The following TJP1 variants were observed in gnomAD, a reference collection of about 807,000 sequenced individuals.
TJP1 encodes tight junction protein ZO-1.
In TJP1, 43 loss-of-function variants were observed where a neutral mutation model predicts 194.2. The ratio of observed to expected loss-of-function variants is 0.22; its 90% CI spans 0.17 to 0.29. The LOEUF (loss-of-function observed/expected upper bound fraction) is 0.29. TJP1 is among the 10% of genes least tolerant of loss of function. TJP1 has a pLI of 1.00. For synonymous variants in TJP1, 801 were observed against 779.0 expected (o/e 1.03, Z -0.47); for missense variants, 1,971 against 2,185.7 (o/e 0.90, Z 1.96).
At chr15:29,766,180 A>G in intron 5 of TJP1, 86 bp downstream of exon 5, 1 of 1,500,174 alleles carries the variant, frequency 6.7e-7, no homozygotes, top group Non-Finnish European at 9.0e-7. Context: ...CAAAGCAAAG[A>G]CATGAAGAGA....
In TJP1 at chr15:29,766,384, C is replaced by T. The variant is rs2046332965; in HGVS notation, c.471G>A (p.Arg157=). 1 of 1,614,170 alleles carries T rather than the reference C, an allele frequency of 6.2e-7. No individual in the cohort carries two copies. The highest frequency in any genetic ancestry group is 1.1e-5 in the South Asian group (1 of 91,078). ...VNRRSEKIWP[R]DRSASRERSL... is the part of the protein sequence containing the mutation. ...TCCTCTCTCTACTTGCACTTCTATC[C>T]CTCGGCCAAATCTTCTCACTCCTTC... Residue 157 remains arginine, a synonymous_variant, in exon 5 of 28, where the codon AGG becomes AGA. Coordinates refer to ENST00000614355, the MANE Select transcript of TJP1 (RefSeq NM_001330239.4).
At chr15:29,748,564 C>CTTTTTTTTT (rs61364565) in intron 8 of TJP1, among the ~76,000 whole-genome samples, 2 of 73,392 alleles carry the variant, frequency 2.7e-5, no homozygotes, top group African/African-American at 1.1e-4. Flanking sequence ...CTTCCTAATT[C>CTTTTTTTTT]TTTTTTTTTT....
intron 2 of TJP1, among the ~76,000 whole-genome samples, chr15:29,889,489 G>C (rs2053232938): frequency 6.6e-6 from 1 of 152,134 alleles, no homozygotes; most frequent in Non-Finnish European, 1.5e-5. Context: ...AGAATAACAA[G>C]TCTTATAAAT....
chr15:29,770,541 C>T (rs536883378), intron 4 of TJP1, among the ~76,000 whole-genome samples: 2 of 151,986 alleles, frequency 1.3e-5, no homozygotes, highest in Admixed American at 1.3e-4. Flanking sequence ...TGGTGAAACC[C>T]TGTCTCCACT....
chr15:29,853,339 C>A (rs561198301), intron 2 of TJP1, among the ~76,000 whole-genome samples: 10 of 152,136 alleles, frequency 6.6e-5, no homozygotes, highest in African/African-American at 2.2e-4. Context: ...TATCTCAATC[C>A]GATAGTAGAT....
intron 2 of TJP1, among the ~76,000 whole-genome samples, chr15:29,773,760 A>G (rs2046838507): frequency 6.6e-6 from 1 of 152,230 alleles, no homozygotes; most frequent in Admixed American, 6.5e-5. Context: ...GTCATTTTAC[A>G]TAAATATCAA....
At chr15:29,818,960 G>A (rs2050133726) in intron 1 of TJP1, among the ~76,000 whole-genome samples, 2 of 151,418 alleles carry the variant, frequency 1.3e-5, no homozygotes, top group Admixed American at 1.3e-4. Flanking sequence ...TGGGATTATA[G>A]GCACGCGCCA....
chr15:29,832,812 A>G (rs913183100), intron 2 of TJP1, among the ~76,000 whole-genome samples: 3 of 152,238 alleles, frequency 2.0e-5, no homozygotes, highest in Non-Finnish European at 2.9e-5. Flanking sequence ...CTGGTCAACT[A>G]TGACCAGACA....
At chr15:29,864,237 C>CAAAAAAAAAAAAAAAAAAAAAAAAAA (rs397975539) in intron 2 of TJP1, among the ~76,000 whole-genome samples, 12 of 18,944 alleles carry the variant, frequency 6.3e-4, no homozygotes, top group African/African-American at 9.0e-4. Flanking sequence ...ACTAAAAATA[C>CAAAAAAAAAAAAAAAAAAAAAAAAAA]AAAAAAAAAA....
chr15:29,937,841 T>C (rs904052139), intron 2 of TJP1, among the ~76,000 whole-genome samples: 1 of 152,212 alleles, frequency 6.6e-6, no homozygotes, highest in Non-Finnish European at 1.5e-5. Flanking sequence ...AAGGCAAGCA[T>C]TTCCCATCCA....
chr15:29,910,244 T>C (rs2053971342), intron 2 of TJP1, among the ~76,000 whole-genome samples: 1 of 152,162 alleles, frequency 6.6e-6, no homozygotes, highest in Non-Finnish European at 1.5e-5. Context: ...AAGAAATAAA[T>C]ACAGTACTTA....
At chr15:29,776,134 T>C (rs908662839) in intron 2 of TJP1, among the ~76,000 whole-genome samples, 9 of 152,044 alleles carry the variant, frequency 5.9e-5, no homozygotes, top group African/African-American at 1.2e-4. Flanking sequence ...TTTGTATCAG[T>C]GCAAAATACA....
intron 2 of TJP1, among the ~76,000 whole-genome samples, chr15:29,926,738 A>G (rs2054539833): frequency 6.6e-6 from 1 of 151,850 alleles, no homozygotes; most frequent in Admixed American, 6.6e-5. Flanking sequence ...ATTGCTTCTT[A>G]TTGTAAGGAA....
intron 10 of TJP1, among the ~76,000 whole-genome samples, chr15:29,740,863 T>C (rs2044367208): frequency 6.6e-6 from 1 of 151,968 alleles, no homozygotes; most frequent in African/African-American, 2.4e-5. Flanking sequence ...TAGAGATAAT[T>C]CTAATTGTCA....
chr15:29,750,375 G>A (rs1283121362), intron 8 of TJP1, among the ~76,000 whole-genome samples: 4 of 152,118 alleles, frequency 2.6e-5, no homozygotes, highest in Non-Finnish European at 5.9e-5. Context: ...CTGAGTTCAG[G>A]CAATCTGCTC....
chr15:29,884,885 G>A (rs533924071), intron 2 of TJP1, among the ~76,000 whole-genome samples: 27 of 152,324 alleles, frequency 1.8e-4, no homozygotes, highest in African/African-American at 6.0e-4. Flanking sequence ...ACTTCACAGA[G>A]GAGGGGCTGT....
At chr15:29,900,401 A>G (rs2053600245) in intron 2 of TJP1, among the ~76,000 whole-genome samples, 1 of 152,212 alleles carries the variant, frequency 6.6e-6, no homozygotes, top group African/African-American at 2.4e-5. Context: ...TGAGGGGTGC[A>G]GTGGGAACAG....
chr15:29,789,741 T>C (rs2047948488), intron 2 of TJP1, among the ~76,000 whole-genome samples: 1 of 152,204 alleles, frequency 6.6e-6, no homozygotes, highest in Non-Finnish European at 1.5e-5. Flanking sequence ...TTGTCTTTAT[T>C]TGGCAATACA....
intron 2 of TJP1, among the ~76,000 whole-genome samples, chr15:29,888,325 CAG>C (rs1275881915): frequency 6.6e-6 from 1 of 151,788 alleles, no homozygotes; most frequent in Non-Finnish European, 1.5e-5. Context: ...TTAGGTATAA[CAG>C]AAATATATGC....
Sources: gnomAD v4.1 joint callset for allele counts (sites outside exome capture counted in the v4.1 genomes callset) on GRCh38, gnomAD v4.1.1 for gene constraint, MANE v1.5 for transcripts, NCBI Gene and HGNC (gene_info 2026-07-23, HGNC 2026-07-21) for gene names.